The following KIF16B variants were observed in gnomAD, a reference collection of about 807,000 sequenced individuals.
The protein encoded by KIF16B is kinesin-like protein KIF16B.
KIF16B carries 98 observed loss-of-function variants against 156.3 expected under a neutral mutation model. That is an observed-to-expected ratio of 0.63 (90% CI 0.53 to 0.74). KIF16B has a LOEUF of 0.74. Ranked by LOEUF, KIF16B falls within the 30% of genes least tolerant of loss-of-function variation. The pLI is 0.00. For synonymous variants in KIF16B, 564 were observed against 583.7 expected, an observed-to-expected ratio of 0.97 and a Z score of 0.49; for missense variants, 1,421 against 1,606.5, an observed-to-expected ratio of 0.88 and a Z score of 1.97.
chr20:16,312,793 G>C (rs1047037057), intron 24 of KIF16B, among the ~76,000 whole-genome samples: 1 of 121,758 alleles, frequency 8.2e-6, no homozygotes, highest in African/African-American at 3.2e-5. Flanking sequence ...TTTTTTACTA[G>C]AATCCAATTA....
chr20:16,440,507 C>A (rs2066761630), intron 12 of KIF16B, among the ~76,000 whole-genome samples: 1 of 146,664 alleles, frequency 6.8e-6, no homozygotes, highest in Admixed American at 6.8e-5. Flanking sequence ...TATTACAATA[C>A]CTATGGTTAA....
intron 17 of KIF16B, among the ~76,000 whole-genome samples, chr20:16,384,313 C>T (rs1391366435): frequency 1.3e-5 from 2 of 152,178 alleles, no homozygotes; most frequent in Non-Finnish European, 2.9e-5. Flanking sequence ...CAGTGTGTCA[C>T]ACATGAGCAT....
intron 20 of KIF16B, among the ~76,000 whole-genome samples, chr20:16,372,625 G>C (rs538610872): frequency 6.6e-6 from 1 of 152,302 alleles, no homozygotes; most frequent in Non-Finnish European, 1.5e-5. Flanking sequence ...TCTTTGTAAT[G>C]GCAGAGACTG....
chr20:16,417,952 T>C (rs938097753), intron 15 of KIF16B, among the ~76,000 whole-genome samples: 4 of 151,734 alleles, frequency 2.6e-5, no homozygotes, highest in African/African-American at 9.7e-5. Context: ...GGAAAGAGTA[T>C]AGTGCGGGGG....
chr20:16,441,689 A>G (rs1320152595), intron 12 of KIF16B, among the ~76,000 whole-genome samples: 1 of 152,104 alleles, frequency 6.6e-6, no homozygotes, highest in Non-Finnish European at 1.5e-5. Context: ...GATTTTCTGT[A>G]TCCTCCAAAT....
chr20:16,515,221 T>C (rs1045019151), intron 4 of KIF16B, among the ~76,000 whole-genome samples: 18 of 152,184 alleles, frequency 1.2e-4, no homozygotes, highest in African/African-American at 4.3e-4. Context: ...ACTTCAGTAA[T>C]TTTATTCAAA....
chr20:16,307,656 C>T (rs900835058), intron 25 of KIF16B, among the ~76,000 whole-genome samples: 1 of 152,176 alleles, frequency 6.6e-6, no homozygotes, highest in Admixed American at 6.5e-5. Flanking sequence ...GTTGAATCTA[C>T]ATATAATAAA....
intron 25 of KIF16B, among the ~76,000 whole-genome samples, chr20:16,281,641 T>C (rs940087359): frequency 6.6e-6 from 1 of 152,172 alleles, no homozygotes; most frequent in African/African-American, 2.4e-5. Flanking sequence ...TGCTCCCAAA[T>C]GTGCTCCACA....
intron 1 of KIF16B, among the ~76,000 whole-genome samples, chr20:16,569,952 C>G (rs2071395717): frequency 6.6e-6 from 1 of 151,200 alleles, no homozygotes; most frequent in African/African-American, 2.4e-5. Context: ...TCTTACAAAC[C>G]ATTACATATA....
At chr20:16,436,324 A>G (rs576701905) in intron 12 of KIF16B, among the ~76,000 whole-genome samples, 1 of 152,198 alleles carries the variant, frequency 6.6e-6, no homozygotes, top group South Asian at 2.1e-4. Flanking sequence ...GTCTCACCTG[A>G]GGCACCACAG....
At chr20:16,554,661 C>A (rs1317846697) in intron 1 of KIF16B, among the ~76,000 whole-genome samples, 1 of 151,800 alleles carries the variant, frequency 6.6e-6, no homozygotes, top group Non-Finnish European at 1.5e-5. Flanking sequence ...ACGTTGCAGG[C>A]AACAAAAAGG....
At chr20:16,469,254 T>TAAAAAA (rs57114751) in intron 12 of KIF16B, among the ~76,000 whole-genome samples, 6 of 66,080 alleles carry the variant, frequency 9.1e-5, no homozygotes, top group Non-Finnish European at 1.5e-4. Flanking sequence ...CCCTGTGTCT[T>TAAAAAA]AAAAAAAAAA....
At chr20:16,493,741 T>C (rs1304039292) in intron 12 of KIF16B, among the ~76,000 whole-genome samples, 1 of 152,194 alleles carries the variant, frequency 6.6e-6, no homozygotes, top group Admixed American at 6.5e-5. Context: ...TTATGATAAA[T>C]GGAGGCTACT....
At chr20:16,518,747 T>C (rs2069229261) in intron 3 of KIF16B, among the ~76,000 whole-genome samples, 3 of 152,216 alleles carry the variant, frequency 2.0e-5, no homozygotes, top group Non-Finnish European at 2.9e-5. Flanking sequence ...TCATCTTACT[T>C]GGTATTTGTT....
intron 22 of KIF16B, chr20:16,369,383 TAAA>T: frequency 1.4e-6 from 1 of 727,678 alleles, no homozygotes; most frequent in South Asian, 6.2e-5. Flanking sequence ...AGAGGTTAAA[TAAA>T]AAGTCTAAGC....
intron 12 of KIF16B, among the ~76,000 whole-genome samples, chr20:16,452,664 T>C (rs1690155720): frequency 6.6e-6 from 1 of 151,702 alleles, no homozygotes; most frequent in Admixed American, 6.6e-5. Context: ...TGGAACCCCG[T>C]CTCTACTAAA....
At chr20:16,510,495 T>C (rs6105618) in intron 6 of KIF16B, among the ~76,000 whole-genome samples, 83,426 of 151,824 alleles carry the variant, frequency 0.55, 25,116 homozygotes, top group African/African-American at 0.81. Flanking sequence ...ACTAAAAATA[T>C]AAAAATTAGC....
intron 25 of KIF16B, among the ~76,000 whole-genome samples, chr20:16,311,131 C>A (rs1022723501): frequency 1.3e-5 from 2 of 152,200 alleles, no homozygotes; most frequent in African/African-American, 4.8e-5. Flanking sequence ...CCAGAAAGGG[C>A]TCTCTCAGGA....
intron 25 of KIF16B, among the ~76,000 whole-genome samples, chr20:16,279,149 C>T (rs553894683): frequency 2.6e-5 from 4 of 152,268 alleles, no homozygotes; most frequent in Middle Eastern, 3.4e-3. Context: ...GCCCAATCCC[C>T]TTCTGAAGAA....
Sources: allele counts gnomAD v4.1 joint callset (sites outside exome capture counted in the v4.1 genomes callset), GRCh38; gene constraint gnomAD v4.1.1; transcripts MANE v1.5; gene names NCBI Gene and HGNC (gene_info 2026-07-23, HGNC 2026-07-21).